Variants in AKAP6 observed in about 807,000 individuals in gnomAD.
AKAP6 encodes the protein A-kinase anchor protein 6.
Under a neutral mutation model 188.5 loss-of-function variants are expected in AKAP6, and 58 were observed. That is an observed-to-expected ratio of 0.31 (90% confidence interval 0.25 to 0.38). AKAP6 has a LOEUF of 0.38. AKAP6 is among the 10% of genes least tolerant of loss of function. AKAP6 has a pLI of 1.00. For synonymous variants in AKAP6, 989 were observed against 998.6 expected (o/e 0.99, Z 0.18); for missense variants, 2,710 against 2,740.0 (o/e 0.99, Z 0.24).
intron 7 of AKAP6, among the ~76,000 whole-genome samples, chr14:32,620,243 A>G (rs145095762): frequency 2.0e-4 from 30 of 152,252 alleles, no homozygotes; most frequent in African/African-American, 6.5e-4. Flanking sequence ...GTCTTGCTCC[A>G]GTTCCCAGGG....
intron 1 of AKAP6, among the ~76,000 whole-genome samples, chr14:32,357,691 G>A (rs934332211): frequency 5.3e-5 from 8 of 152,144 alleles, no homozygotes; most frequent in East Asian, 1.9e-4. Context: ...TTCCTTTCTC[G>A]AAACACCTTA....
intron 11 of AKAP6, among the ~76,000 whole-genome samples, chr14:32,768,565 A>T (rs2032788763): frequency 6.6e-6 from 1 of 152,214 alleles, no homozygotes; most frequent in African/African-American, 2.4e-5. Context: ...CTTTTCAGTC[A>T]TTTGATAAAA....
intron 9 of AKAP6, among the ~76,000 whole-genome samples, chr14:32,717,000 T>A (rs1415587718): frequency 6.6e-6 from 1 of 152,132 alleles, no homozygotes; most frequent in African/African-American, 2.4e-5. Flanking sequence ...GTGGCAAAGA[T>A]AGCTTTGTCC....
intron 1 of AKAP6, among the ~76,000 whole-genome samples, chr14:32,344,970 T>C (rs575055408): frequency 1.0e-3 from 150 of 146,338 alleles, no homozygotes; most frequent in African/African-American, 3.6e-3. Context: ...AATGATGGTA[T>C]AGAGAGTACG....
chr14:32,425,428 A>G (rs886297664), intron 1 of AKAP6, among the ~76,000 whole-genome samples: 3 of 152,228 alleles, frequency 2.0e-5, no homozygotes, highest in African/African-American at 7.2e-5. Flanking sequence ...TGTCTCTCCA[A>G]AAATCACAAA....
At chr14:32,433,324 G>T in intron 1 of AKAP6, 136 bp from the exon 2 acceptor site, 1 of 654,652 alleles carries the variant, frequency 1.5e-6, no homozygotes, top group Non-Finnish European at 2.6e-6. Context: ...ACCTCTTTCT[G>T]TTTTTGTTAT....
At chr14:32,403,528 A>G (rs1889168359) in intron 1 of AKAP6, 1 of 152,200 alleles carries the variant, frequency 6.6e-6, no homozygotes, top group African/African-American at 2.4e-5. Context: ...AGTTAGATGT[A>G]TGTGCTCAGA....
At chr14:32,702,819 C>T (rs1022961474) in intron 9 of AKAP6, among the ~76,000 whole-genome samples, 9 of 152,164 alleles carry the variant, frequency 5.9e-5, no homozygotes, top group South Asian at 2.1e-4. Context: ...ACAGCCCTGT[C>T]GTACTCTTTG....
At chr14:32,723,831 G>T (rs893419282) in intron 9 of AKAP6, among the ~76,000 whole-genome samples, 1 of 152,088 alleles carries the variant, frequency 6.6e-6, no homozygotes, top group Admixed American at 6.6e-5. Flanking sequence ...TATGACAGTA[G>T]CAATAGTTAG....
Position 32,477,053 on chromosome 14 carries a change from C to T in AKAP6, c.324+43236C>T, listed in dbSNP as rs554181935. On this transcript the variant is annotated intron_variant, in intron 2 of 13. Transcript: ENST00000280979. Reference sequence around the variant, plus strand: ...TGTGATCAGCAGAAAAGAAAGTTAGCTCTGGCTCATGGGTATGACCTCTTC... The same window carrying T: ...TGTGATCAGCAGAAAAGAAAGTTAGTTCTGGCTCATGGGTATGACCTCTTC... Among the ~76,000 whole-genome samples, 10 of 152,268 alleles carry T rather than the reference C, an allele frequency of 6.6e-5. No individual in the cohort carries two copies. In the East Asian group the frequency reaches 1.4e-3, roughly 21 times the overall value.
At chr14:32,759,867 G>T (rs182448073) in intron 11 of AKAP6, among the ~76,000 whole-genome samples, 38 of 152,292 alleles carry the variant, frequency 2.5e-4, no homozygotes, top group African/African-American at 8.7e-4. Context: ...CCCACCTCCA[G>T]CATAGGGGAT....
Position 32,834,531 on chromosome 14 carries a change from G to GTGTTTTTTTTTTTTTTTTT in AKAP6, c.*4727_*4728insGTTTTTTTTTTTTTTTTTT, listed in dbSNP as rs1437449754. The GTGTTTTTTTTTTTTTTTTT allele has an allele frequency of 2.2e-5, 2 of 90,554 alleles. No individual in the cohort carries two copies. The highest frequency in any genetic ancestry group is 7.6e-4 in the South Asian group (2 of 2,624). The allele number at this position is 90,554 out of a possible 1,614,324, so 5.6% of individuals were successfully genotyped here. The stretch of plus-strand genomic sequence containing the variant: ...ATCACACACTGCTTTTAGTTTCCAA[G>GTGTTTTTTTTTTTTTTTTT]TCTTTTTTTTTTTTTTTTTTTTTAA... On this transcript the variant is annotated 3_prime_UTR_variant, in exon 14 of 14. Transcript: ENST00000280979.
intron 7 of AKAP6, among the ~76,000 whole-genome samples, chr14:32,643,097 A>G (rs956860715): frequency 1.3e-5 from 2 of 152,206 alleles, no homozygotes; most frequent in Non-Finnish European, 2.9e-5. Flanking sequence ...AATAAGTAAG[A>G]TTAATGCTCT....
rs1354229522 is a variant in AKAP6, at chr14:32,823,621, A to T, written c.5808A>T (p.Lys1936Asn). Residue 1936 changes from lysine to asparagine, a missense_variant, in exon 13 of 14, where the codon AAA becomes AAT. This residue lies in a region of AKAP6 where 2,473 missense variants were observed against 2,426.1 expected (regional missense o/e 1.02). Transcript: ENST00000280979. ...CAGAGAGTGAGCATTGTAAGTGTAA[A>T]GCACTTATGGATAGTTTAGATGATT... ...EISESEHCKC[K>N]ALMDSLDDSN... 1 of 1,613,786 alleles carries T rather than the reference A, an allele frequency of 6.2e-7. No homozygotes were observed. The highest frequency in any genetic ancestry group is 1.1e-5 in the South Asian group (1 of 91,066).
chr14:32,601,083 T>C (rs754914544), intron 7 of AKAP6, among the ~76,000 whole-genome samples: 15 of 152,126 alleles, frequency 9.9e-5, no homozygotes, highest in Non-Finnish European at 1.5e-4. Flanking sequence ...AAACAAAACA[T>C]AAAGCATCTT....
chr14:32,483,517 T>A (rs8006554), intron 2 of AKAP6, among the ~76,000 whole-genome samples: 94,859 of 151,854 alleles, frequency 0.62, 30,903 homozygotes, highest in East Asian at 0.86. Flanking sequence ...GGAGTTTCGC[T>A]CTTTTTGCCC....
At chr14:32,786,174 T>A (rs745883938) in intron 12 of AKAP6, among the ~76,000 whole-genome samples, 13 of 152,096 alleles carry the variant, frequency 8.5e-5, no homozygotes, top group Non-Finnish European at 1.9e-4. Context: ...AAACACTTTG[T>A]TCTGTAACCA....
At chr14:32,676,306 T>C (rs746980571) in intron 7 of AKAP6, among the ~76,000 whole-genome samples, 3 of 152,198 alleles carry the variant, frequency 2.0e-5, no homozygotes, top group Non-Finnish European at 4.4e-5. Context: ...GTGTTTCTGA[T>C]TGTTGACTCT....
chr14:32,355,085 T>G (rs1463041354), intron 1 of AKAP6, among the ~76,000 whole-genome samples: 1 of 152,222 alleles, frequency 6.6e-6, no homozygotes, highest in Non-Finnish European at 1.5e-5. Flanking sequence ...ACTAATTCTT[T>G]GATTTTTCCT....
Sources: allele counts gnomAD v4.1 joint callset (sites outside exome capture counted in the v4.1 genomes callset), GRCh38; gene constraint gnomAD v4.1.1; regional missense constraint gnomAD v4.1.1; transcripts MANE v1.5; gene names NCBI Gene and HGNC (gene_info 2026-07-23, HGNC 2026-07-21).